MRPS35: variants seen among roughly 807,000 people sequenced by gnomAD.
The protein encoded by MRPS35 is small ribosomal subunit protein mS35.
MRPS35 carries 29 observed loss-of-function variants against 32.7 expected under a neutral mutation model. The ratio of observed to expected loss-of-function variants is 0.89; its 90% CI spans 0.66 to 1.21. The LOEUF is 1.21. MRPS35 is among the 50% of genes most tolerant of loss of function. The probability of loss-of-function intolerance (pLI) is 0.00; values close to 1 mark genes in which losing one functional copy is unlikely to be tolerated. For synonymous variants in MRPS35, 148 were observed against 139.3 expected (o/e 1.06, Z -0.44); for missense variants, 373 against 383.8 (o/e 0.97, Z 0.23).
chr12:27,737,902 A>G (rs1325679750), intron 7 of MRPS35, among the ~76,000 whole-genome samples: 1 of 152,194 alleles, frequency 6.6e-6, no homozygotes, highest in Non-Finnish European at 1.5e-5. Flanking sequence ...GTTGTCAGCT[A>G]TGAAGAGAAT....
chr12:27,719,887 A>T lies in MRPS35; in HGVS notation c.382+19A>T, dbSNP rs376571863. ...CTTAAAGGTAAGTGGTTATTTTCTTATATGAATTTTATATTGACTTTGAAC... is the reference window on the plus strand; with the variant it reads ...CTTAAAGGTAAGTGGTTATTTTCTTTTATGAATTTTATATTGACTTTGAAC... On this transcript the variant is annotated intron_variant, in intron 4 of 7. Transcript: ENST00000081029. 2.1e-5 allele frequency: 33 copies of T among 1,541,852 alleles called. No homozygotes were observed. The highest frequency in any genetic ancestry group is 2.8e-5 in the Non-Finnish European group (31 of 1,117,580).
In MRPS35 at chr12:27,755,583, A is replaced by G. The variant is rs1007789881; in HGVS notation, c.*133A>G. The G allele has an allele frequency of 8.9e-6, 7 of 787,888 alleles. No individual in the cohort carries two copies. Among genetic ancestry groups the G allele is most frequent in the East Asian group, 3.1e-5 (1 of 32,680 alleles). 48.8% of individuals were successfully genotyped at this position (787,888 alleles called of 1,614,324 possible). On this transcript the variant is annotated 3_prime_UTR_variant, in exon 8 of 8. Transcript: ENST00000081029. ...GAGTTAAAATTATTTCCCTCATACT[A>G]ATGCTTAATGGCAATGATTACTCCA...
intron 7 of MRPS35, among the ~76,000 whole-genome samples, chr12:27,748,441 G>GTGTGTT: frequency 1.1e-5 from 1 of 94,314 alleles, no homozygotes; most frequent in East Asian, 2.9e-4. Context: ...GAAAAGTGGT[G>GTGTGTT]TGTGTGTGTG....
At chr12:27,747,946 C>T (rs2061986830) in intron 7 of MRPS35, among the ~76,000 whole-genome samples, 1 of 152,192 alleles carries the variant, frequency 6.6e-6, no homozygotes, top group African/African-American at 2.4e-5. Flanking sequence ...TATTCAGTTG[C>T]TCTGGGCTTC....
chr12:27,724,510 A>C (rs981242397), intron 5 of MRPS35, among the ~76,000 whole-genome samples: 3 of 152,232 alleles, frequency 2.0e-5, no homozygotes, highest in African/African-American at 7.2e-5. Flanking sequence ...TGGGAGGCCG[A>C]GTCAGGCGGA....
chr12:27,722,515 T>G (rs1416419876), intron 4 of MRPS35, among the ~76,000 whole-genome samples: 1 of 133,622 alleles, frequency 7.5e-6, no homozygotes, highest in Non-Finnish European at 1.7e-5. Context: ...TTATTCACAT[T>G]TTTTTTTTTA....
At chr12:27,734,984 A>G (rs1399720718) in intron 5 of MRPS35, among the ~76,000 whole-genome samples, 1 of 152,218 alleles carries the variant, frequency 6.6e-6, no homozygotes, top group Non-Finnish European at 1.5e-5. Context: ...TAGCTTTTAA[A>G]AAAAGCTTGT....
chr12:27,714,070 T>C (rs1231172338), intron 1 of MRPS35, among the ~76,000 whole-genome samples: 5 of 128,806 alleles, frequency 3.9e-5, no homozygotes, highest in Admixed American at 7.8e-5. Context: ...GAGATGACCT[T>C]GTCTCAAAAA....
In MRPS35 at chr12:27,715,693, G is replaced by A. The variant is rs558033798; in HGVS notation, c.154-598G>A. Among the ~76,000 whole-genome samples the A allele has an allele frequency of 5.9e-5, 9 of 152,266 alleles. 1 individual carries two copies. The South Asian group carries it at 1.5e-3, about 25-fold the overall frequency. Reference sequence around the variant, plus strand: ...ACACTGGTTTTGATATTGCGTAGGCGGGGCATGGCTGAATTTTGCCACTAT... The same window carrying A: ...ACACTGGTTTTGATATTGCGTAGGCAGGGCATGGCTGAATTTTGCCACTAT... On this transcript the variant is annotated intron_variant, in intron 2 of 7. Transcript: ENST00000081029.
intron 1 of MRPS35, among the ~76,000 whole-genome samples, chr12:27,712,292 A>C (rs1459484016): frequency 6.6e-6 from 1 of 152,220 alleles, no homozygotes; most frequent in African/African-American, 2.4e-5. Context: ...GAGTGGTAGT[A>C]TAAGACGTCA....
chr12:27,748,974 T>C (rs1239363884), intron 7 of MRPS35, among the ~76,000 whole-genome samples: 1 of 152,114 alleles, frequency 6.6e-6, no homozygotes, highest in African/African-American at 2.4e-5. Flanking sequence ...GGCAACATAG[T>C]GAGACTCCAC....
At chr12:27,749,044 G>A (rs2061990962) in intron 7 of MRPS35, among the ~76,000 whole-genome samples, 1 of 152,176 alleles carries the variant, frequency 6.6e-6, no homozygotes, top group Non-Finnish European at 1.5e-5. Flanking sequence ...TAAATAAAAT[G>A]TAATCATAGC....
rs200037398 is a variant in MRPS35 at position 27,755,327 on chromosome 12, C to T, written c.849C>T (p.Leu283=). ...EKNMEINKEE[L]LGTKEIEEYK... ...ATATGGAAATAAATAAAGAAGAGCT[C>T]CTTGGTACTAAAGAAATTGAAGAGT... is the stretch of plus-strand genomic sequence containing the variant. The change falls in exon 8 of 8, where the codon CTC becomes CTT. Residue 283 remains leucine, a synonymous_variant. Transcript: ENST00000081029. 111 of 1,611,850 alleles carry T rather than the reference C, an allele frequency of 6.9e-5. No individual in the cohort carries two copies. Among genetic ancestry groups the T allele is most frequent in the Non-Finnish European group, 8.8e-5 (104 of 1,179,578 alleles).
chr12:27,723,911 T>C, intron 4 of MRPS35, 136 bp from the exon 5 acceptor site: 1 of 768,022 alleles, frequency 1.3e-6, no homozygotes, highest in Non-Finnish European at 2.0e-6. Flanking sequence ...ATGCTATATA[T>C]GTAAAGTGCA....
chr12:27,729,948 G>A (rs1214914270), intron 5 of MRPS35, among the ~76,000 whole-genome samples: 1 of 152,166 alleles, frequency 6.6e-6, no homozygotes, highest in African/African-American at 2.4e-5. Flanking sequence ...TTTTCACACA[G>A]CAGTCATGGA....
intron 4 of MRPS35, among the ~76,000 whole-genome samples, chr12:27,722,996 C>A (rs142315054): frequency 0.015 from 2,241 of 152,294 alleles, 22 homozygotes; most frequent in Middle Eastern, 0.024. Flanking sequence ...CCCACATCTG[C>A]CTGTGATTAT....
intron 7 of MRPS35, among the ~76,000 whole-genome samples, chr12:27,742,211 C>T (rs183017659): frequency 6.6e-6 from 1 of 152,278 alleles, no homozygotes; most frequent in African/African-American, 2.4e-5. Flanking sequence ...CCATAATCAC[C>T]ATTTAATCTG....
intron 5 of MRPS35, among the ~76,000 whole-genome samples, chr12:27,733,038 A>ATATATCTATC (rs2061929113): frequency 1.3e-5 from 1 of 76,122 alleles, no homozygotes; most frequent in Non-Finnish European, 2.6e-5. Flanking sequence ...ATATATATAT[A>ATATATCTATC]TATCCAGCAC....
chr12:27,718,136 A>G (rs1409447640), intron 3 of MRPS35, among the ~76,000 whole-genome samples: 1 of 152,086 alleles, frequency 6.6e-6, no homozygotes, highest in Non-Finnish European at 1.5e-5. Flanking sequence ...TTAAAACAAT[A>G]TTTTCTGGCC....
Sources: gnomAD v4.1 joint callset for allele counts (sites outside exome capture counted in the v4.1 genomes callset) on GRCh38, gnomAD v4.1.1 for gene constraint, MANE v1.5 for transcripts, NCBI Gene and HGNC (gene_info 2026-07-23, HGNC 2026-07-21) for gene names.